Variants in SLN observed in about 807,000 individuals in gnomAD.
SLN encodes sarcolipin.
For synonymous variants in SLN, 19 were observed against 14.4 expected (o/e 1.32, Z -0.72); for missense variants, 34 against 37.4 (o/e 0.91, Z 0.24).
At position 107,707,763 on chromosome 11, in the gene SLN, A is replaced by G; in HGVS notation, c.*72T>C. On this transcript the variant is annotated 3_prime_UTR_variant, in exon 2 of 2. Transcript: ENST00000305991. ...AATGGCATCCTGTGACAATGACAGC[A>G]GTGGGGTCTCAGGGCATAGAGCAGG... The G allele has an allele frequency of 9.4e-7, 1 of 1,059,886 alleles. No homozygotes were observed. The highest frequency in any genetic ancestry group is 1.3e-5 in the South Asian group (1 of 78,986). The allele number at this position is 1,059,886 out of a possible 1,614,324, so 65.7% of individuals were successfully genotyped here.
At chr11:107,708,991 C>T (rs1039266974) in intron 1 of SLN, among the ~76,000 whole-genome samples, 1 of 152,190 alleles carries the variant, frequency 6.6e-6, no homozygotes, top group African/African-American at 2.4e-5. Context: ...AAGCCCCTGG[C>T]ATAACAGGCA....
intron 1 of SLN, among the ~76,000 whole-genome samples, chr11:107,709,072 T>C (rs1343470619): frequency 1.3e-5 from 2 of 152,202 alleles, no homozygotes; most frequent in African/African-American, 4.8e-5. Context: ...CAGCTATTTT[T>C]AGTCAGGTCC....
chr11:107,711,617 T>C (rs1867211763), intron 1 of SLN, among the ~76,000 whole-genome samples: 1 of 152,190 alleles, frequency 6.6e-6, no homozygotes. Flanking sequence ...ATCCAGTGAT[T>C]GCAAATGGAT....
In SLN at chr11:107,707,768, G is replaced by A; in HGVS notation, c.*67C>T. On this transcript the variant is annotated 3_prime_UTR_variant, in exon 2 of 2. Transcript: ENST00000305991. The stretch of plus-strand genomic sequence containing the variant: ...CATCCTGTGACAATGACAGCAGTGG[G>A]GTCTCAGGGCATAGAGCAGGCAGCT... The A allele has an allele frequency of 8.8e-7, 1 of 1,134,082 alleles. No homozygotes were observed. Among genetic ancestry groups the A allele is most frequent in the Non-Finnish European group, 1.3e-6 (1 of 746,436 alleles). 70.3% of individuals were successfully genotyped at this position (1,134,082 alleles called of 1,614,324 possible).
intron 1 of SLN, among the ~76,000 whole-genome samples, chr11:107,710,134 C>T (rs192409842): frequency 9.9e-5 from 15 of 152,268 alleles, no homozygotes; most frequent in Admixed American, 2.6e-4. Context: ...GAATGAGAAA[C>T]GAAGACAGAC....
At chr11:107,711,548 A>C (rs634186) in intron 1 of SLN, among the ~76,000 whole-genome samples, 107,244 of 152,000 alleles carry the variant, frequency 0.71, 39,605 homozygotes, top group African/African-American at 0.93. Flanking sequence ...GCTTTTAACC[A>C]ATAAAGACAC....
At chr11:107,710,289 G>C (rs753398354) in intron 1 of SLN, among the ~76,000 whole-genome samples, 2 of 152,176 alleles carry the variant, frequency 1.3e-5, no homozygotes, top group Non-Finnish European at 2.9e-5. Context: ...GCAAAACAAC[G>C]GTCCCACCAA....
At chr11:107,709,376 T>C (rs184842312) in intron 1 of SLN, among the ~76,000 whole-genome samples, 112 of 152,178 alleles carry the variant, frequency 7.4e-4, no homozygotes, top group South Asian at 1.9e-3. Context: ...AAGGTGAGAG[T>C]TCAAGAGGCT....
At position 107,707,862 on chromosome 11, in the gene SLN, C is replaced by G. The variant is rs1162318094; in HGVS notation, c.69G>C (p.Trp23Cys). 4 of 1,613,658 alleles carry G rather than the reference C, an allele frequency of 2.5e-6. No individual in the cohort carries two copies. The highest frequency in any genetic ancestry group is 3.4e-6 in the Non-Finnish European group (4 of 1,179,842). The change falls in exon 2 of 2, where the codon TGG becomes TGC. Residue 23 changes from tryptophan (W) to cysteine (C), a missense_variant. Coordinates refer to ENST00000305991, the MANE Select transcript of SLN (RefSeq NM_003063.3). ...AGTACTGATAGGACCTCACAAGGAG[C>G]CACATAAGAATAACCGTAATCAAGA... ...TIVLITVILM[W>C]LLVRSYQY
rs1565405145 is a variant in SLN, at chr11:107,707,782, G to C, written c.*53C>G. 1 of 1,360,810 alleles carries C rather than the reference G, an allele frequency of 7.3e-7. No homozygotes were observed. 84.3% of individuals were successfully genotyped at this position (1,360,810 alleles called of 1,614,324 possible). Reference sequence around the variant, plus strand: ...GACAGCAGTGGGGTCTCAGGGCATAGAGCAGGCAGCTCCGGAGCATCTCAG... The same window carrying C: ...GACAGCAGTGGGGTCTCAGGGCATACAGCAGGCAGCTCCGGAGCATCTCAG... On this transcript the variant is annotated 3_prime_UTR_variant, in exon 2 of 2. Coordinates refer to ENST00000305991, the MANE Select transcript of SLN (RefSeq NM_003063.3).
At chr11:107,708,341 C>A (rs947372784) in intron 1 of SLN, among the ~76,000 whole-genome samples, 1 of 151,984 alleles carries the variant, frequency 6.6e-6, no homozygotes, top group African/African-American at 2.4e-5. Context: ...AGAAGATGGG[C>A]ATTTACAAGC....
Position 107,707,823 on chromosome 11 carries a change from T to C in SLN, c.*12A>G. 2 of 1,599,916 alleles carry C rather than the reference T, an allele frequency of 1.3e-6. No homozygotes were observed. Among genetic ancestry groups the C allele is most frequent in the East Asian group, 2.2e-5 (1 of 44,788 alleles). On this transcript the variant is annotated 3_prime_UTR_variant, in exon 2 of 2. Transcript: ENST00000305991. Reference sequence around the variant, plus strand: ...AGCATCTCAGTCAATCCCAGGACCATGGCATGGCCTCTCAGTACTGATAGG... The same window carrying C: ...AGCATCTCAGTCAATCCCAGGACCACGGCATGGCCTCTCAGTACTGATAGG...
At chr11:107,708,739 C>A (rs1283412065) in intron 1 of SLN, among the ~76,000 whole-genome samples, 1 of 152,032 alleles carries the variant, frequency 6.6e-6, no homozygotes, top group Admixed American at 6.6e-5. Context: ...TGCGTGTGTG[C>A]GTATGCATGT....
chr11:107,709,689 A>C (rs1867192809), intron 1 of SLN, among the ~76,000 whole-genome samples: 1 of 152,212 alleles, frequency 6.6e-6, no homozygotes, highest in Admixed American at 6.5e-5. Context: ...TCAAAAAAAA[A>C]TACAAGTTCA....
intron 1 of SLN, among the ~76,000 whole-genome samples, chr11:107,708,299 T>G (rs1232349250): frequency 6.6e-6 from 1 of 152,020 alleles, no homozygotes; most frequent in Non-Finnish European, 1.5e-5. Context: ...CACAGACACA[T>G]GCAGAGGGGA....
intron 1 of SLN, among the ~76,000 whole-genome samples, chr11:107,711,675 A>C (rs1436668440): frequency 7.9e-5 from 12 of 152,158 alleles, no homozygotes. Context: ...GAAGTTTGAC[A>C]TTGGCTTTCT....
chr11:107,707,581 A>G lies in SLN; in HGVS notation c.*254T>C, dbSNP rs1591157951. On this transcript the variant is annotated 3_prime_UTR_variant, in exon 2 of 2. Transcript: ENST00000305991. ...TAATTTTAACTTTGTGGCTTGTCTA[A>G]CACATTTTCAGTTAAGAGTTGGGGA... The G allele has an allele frequency of 6.9e-5, 30 of 432,386 alleles. No homozygotes were observed. In the East Asian group the frequency reaches 1.1e-3, roughly 17 times the overall value. The allele number at this position is 432,386 out of a possible 1,614,324, so 26.8% of individuals were successfully genotyped here.
chr11:107,707,894 T>C lies in SLN; in HGVS notation c.37A>G (p.Thr13Ala), dbSNP rs768738465. ...INTRELFLNF[T>A]IVLITVILMW... ...AGAATAACCGTAATCAAGACAATAG[T>C]GAAGTTGAGAAACAGCTCCCGGGTG... Residue 13 changes from threonine to alanine, a missense_variant, in exon 2 of 2, where the codon ACT (threonine) becomes GCT (alanine). Physicochemically the swap from Thr to Ala is moderately conservative, Grantham distance 58. Coordinates refer to ENST00000305991, the MANE Select transcript of SLN (RefSeq NM_003063.3). The C allele has an allele frequency of 1.9e-6, 3 of 1,613,848 alleles. No homozygotes were observed. The Admixed American group carries it at 5.0e-5, about 27-fold the overall frequency.
chr11:107,708,799 A>T (rs1399274164), intron 1 of SLN, among the ~76,000 whole-genome samples: 1 of 152,286 alleles, frequency 6.6e-6, no homozygotes, highest in Admixed American at 6.5e-5. Flanking sequence ...AAACAAAAAA[A>T]TTTTATGGTT....
Sources: allele counts gnomAD v4.1 joint callset (sites outside exome capture counted in the v4.1 genomes callset), GRCh38; gene constraint gnomAD v4.1.1; transcripts MANE v1.5; gene names NCBI Gene and HGNC (gene_info 2026-07-23, HGNC 2026-07-21).